Variants in ZNF148 observed in about 807,000 individuals in gnomAD.
The protein encoded by ZNF148 is Beta-Enolase Repressor Factor-1.
ZNF148 carries 7 observed loss-of-function variants against 67.7 expected under a neutral mutation model. The observed-to-expected ratio is 0.10, with a 90% CI of 0.06 to 0.19. The LOEUF is 0.19. Among genes scored for constraint, ZNF148 ranks in the 10% least tolerant of loss-of-function variants. The pLI is 1.00. For synonymous variants in ZNF148, 333 were observed against 330.7 expected (o/e 1.01, Z -0.08); for missense variants, 583 against 947.1 (o/e 0.62, Z 5.05).
chr3:125,257,558 T>TA (rs747363908), intron 7 of ZNF148, among the ~76,000 whole-genome samples: 54,270 of 92,130 alleles, frequency 0.59, 16,344 homozygotes, highest in Middle Eastern at 0.66. Context: ...CCGTCTCTAT[T>TA]AAAAAAAAAA....
intron 1 of ZNF148, among the ~76,000 whole-genome samples, chr3:125,348,322 T>C (rs979656432): frequency 6.7e-6 from 1 of 150,104 alleles, no homozygotes. Context: ...GCTTCAAAAG[T>C]GTCACAAGAA....
At chr3:125,242,163 T>G (rs551628775) in intron 7 of ZNF148, among the ~76,000 whole-genome samples, 2 of 152,216 alleles carry the variant, frequency 1.3e-5, no homozygotes, top group South Asian at 4.2e-4. Context: ...AGGGGTAGAG[T>G]TGTTTGCTAG....
Position 125,267,564 on chromosome 3 carries a change from C to G in ZNF148, c.667+10162G>C, listed in dbSNP as rs147822471. On this transcript the variant is annotated intron_variant, in intron 7 of 8. Coordinates refer to ENST00000360647, the MANE Select transcript of ZNF148 (RefSeq NM_021964.3). ...TAAAAACCCTCAAAAAACTAGGCAT[C>G]AAAGGAACATACCTCACAATAATAA... Among the ~76,000 whole-genome samples, 523 of 145,658 alleles carry G rather than the reference C, an allele frequency of 3.6e-3. 1 individual carries two copies. Among genetic ancestry groups the G allele is most frequent in the African/African-American group, 0.013 (512 of 39,616 alleles).
intron 7 of ZNF148, among the ~76,000 whole-genome samples, chr3:125,276,808 T>G (rs564418292): frequency 6.6e-6 from 1 of 152,134 alleles, no homozygotes; most frequent in Non-Finnish European, 1.5e-5. Flanking sequence ...GAAAAAAAAG[T>G]TATCAGACAG....
chr3:125,344,729 T>C, intron 1 of ZNF148: 1 of 562,796 alleles, frequency 1.8e-6, no homozygotes, highest in Non-Finnish European at 3.3e-6. Flanking sequence ...CCAGTTTCCA[T>C]TATGCTTTTT....
At chr3:125,234,027 A>ATCTT in intron 8 of ZNF148, 88 bp from the exon 9 acceptor site, 10 of 1,419,254 alleles carry the variant, frequency 7.0e-6, no homozygotes, top group Non-Finnish European at 8.5e-6. Flanking sequence ...TAATATAAAG[A>ATCTT]TATATTAATG....
rs1173558135 is a variant in ZNF148, at chr3:125,329,014, T to C, written c.-153+2144A>G. On this transcript the variant is annotated intron_variant, in intron 2 of 8. Transcript: ENST00000360647. Reference sequence around the variant, plus strand: ...TATACTACTGATATATATATATATATATATATCTGTACATGTATAGAAATT... The same window carrying C: ...TATACTACTGATATATATATATATACATATATCTGTACATGTATAGAAATT... Among the ~76,000 whole-genome samples the C allele has an allele frequency of 2.6e-5, 4 of 151,030 alleles. No homozygotes were observed. In the South Asian group the frequency reaches 6.2e-4, roughly 24 times the overall value.
At chr3:125,273,822 C>T (rs918218086) in intron 7 of ZNF148, among the ~76,000 whole-genome samples, 3 of 151,900 alleles carry the variant, frequency 2.0e-5, no homozygotes, top group Admixed American at 6.6e-5. Flanking sequence ...GAAATAGCTT[C>T]GTAACATTTT....
intron 7 of ZNF148, among the ~76,000 whole-genome samples, chr3:125,248,909 T>C (rs1936715238): frequency 6.6e-6 from 1 of 152,218 alleles, no homozygotes. Flanking sequence ...AAGAGGTCTA[T>C]TTCTTAAAGT....
chr3:125,232,300 T>C lies in ZNF148; in HGVS notation c.*41A>G, dbSNP rs764359249. 1.6e-5 allele frequency: 24 copies of C among 1,545,626 alleles called. No homozygotes were observed. The African/African-American group carries it at 3.2e-4, about 20-fold the overall frequency. On this transcript the variant is annotated 3_prime_UTR_variant, in exon 9 of 9. Transcript: ENST00000360647. The surrounding 1 kb of genome is among the most constrained non-coding windows in gnomAD (Gnocchi z 4.2). Reference sequence around the variant, plus strand: ...AGAGTAACCCCACTCTTGATTAATCTGTTCTAAAGTGCCAGTATTATTTAC... The same window carrying C: ...AGAGTAACCCCACTCTTGATTAATCCGTTCTAAAGTGCCAGTATTATTTAC...
chr3:125,355,697 C>G lies in ZNF148; in HGVS notation c.-234+19405G>C, dbSNP rs967500623. Reference sequence around the variant, plus strand: ...AGGCCAGGTGTTTGAGACCAGGCTGCTCAACACAGTGAGACCCCAGTCTCT... The same window carrying G: ...AGGCCAGGTGTTTGAGACCAGGCTGGTCAACACAGTGAGACCCCAGTCTCT... On this transcript the variant is annotated intron_variant, in intron 1 of 8. Transcript: ENST00000360647. 4.0e-5 allele frequency among the ~76,000 whole-genome samples: 6 copies of G among 149,356 alleles called. No individual in the cohort carries two copies. The Admixed American group carries it at 4.0e-4, about 10-fold the overall frequency.
chr3:125,249,519 C>T (rs1936744149), intron 7 of ZNF148, among the ~76,000 whole-genome samples: 1 of 151,948 alleles, frequency 6.6e-6, no homozygotes, highest in African/African-American at 2.4e-5. Flanking sequence ...CAAATGATAA[C>T]AAGTGTTGGT....
In ZNF148 at chr3:125,363,781, C is replaced by T. The variant is rs190914016; in HGVS notation, c.-234+11321G>A. Reference sequence around the variant, plus strand: ...TCTCCTGCCTCAGCCTCCCGTGCACCTGGAACTACAGGCATGTGCCACCAT... The same window carrying T: ...TCTCCTGCCTCAGCCTCCCGTGCACTTGGAACTACAGGCATGTGCCACCAT... On this transcript the variant is annotated intron_variant, in intron 1 of 8. Coordinates refer to ENST00000360647, the MANE Select transcript of ZNF148 (RefSeq NM_021964.3). Among the ~76,000 whole-genome samples the T allele has an allele frequency of 1.4e-4, 22 of 152,154 alleles. No individual in the cohort carries two copies. In the East Asian group the frequency reaches 4.3e-3, roughly 29 times the overall value.
chr3:125,358,591 G>A (rs575536344), intron 1 of ZNF148, among the ~76,000 whole-genome samples: 9 of 152,138 alleles, frequency 5.9e-5, no homozygotes, highest in South Asian at 2.1e-4. Context: ...TCCTAGGCTC[G>A]TCCCCAAAAC....
chr3:125,251,807 G>A (rs1023478310), intron 7 of ZNF148, among the ~76,000 whole-genome samples: 3 of 152,072 alleles, frequency 2.0e-5, no homozygotes, highest in African/African-American at 7.3e-5. Flanking sequence ...AATTATATAG[G>A]GTATATAGCT....
At position 125,260,653 on chromosome 3, in the gene ZNF148, G is replaced by C. The variant is rs1177746794; in HGVS notation, c.667+17073C>G. Among the ~76,000 whole-genome samples the C allele has an allele frequency of 3.3e-5, 5 of 152,304 alleles. No homozygotes were observed. In the East Asian group the frequency reaches 7.7e-4, roughly 23 times the overall value. On this transcript the variant is annotated intron_variant, in intron 7 of 8. Transcript: ENST00000360647. ...AAAAAGTGCAAGGGACCCTTGGGGAGTGACAGAACTAGTCTGTATCTTGAC... is the reference window on the plus strand; with the variant it reads ...AAAAAGTGCAAGGGACCCTTGGGGACTGACAGAACTAGTCTGTATCTTGAC...
intron 7 of ZNF148, among the ~76,000 whole-genome samples, chr3:125,264,566 T>C (rs752482432): frequency 2.6e-5 from 4 of 152,198 alleles, no homozygotes; most frequent in Non-Finnish European, 4.4e-5. Flanking sequence ...TAATTGACTA[T>C]TGATGTTGAT....
At chr3:125,291,769 T>C (rs937145015) in intron 4 of ZNF148, among the ~76,000 whole-genome samples, 2 of 152,092 alleles carry the variant, frequency 1.3e-5, no homozygotes, top group Admixed American at 6.6e-5. Context: ...CATACAGAGA[T>C]AAAATAACTG....
intron 1 of ZNF148, among the ~76,000 whole-genome samples, chr3:125,373,146 A>G (rs1942945188): frequency 6.6e-6 from 1 of 150,548 alleles, no homozygotes; most frequent in Non-Finnish European, 1.5e-5. Flanking sequence ...ACAGCATACT[A>G]TGTTTAAAAA....
Sources: gnomAD v4.1 joint callset for allele counts (sites outside exome capture counted in the v4.1 genomes callset) on GRCh38, gnomAD v4.1.1 for gene constraint, Gnocchi (gnomAD v3.1) non-coding constraint, MANE v1.5 for transcripts, NCBI Gene and HGNC (gene_info 2026-07-23, HGNC 2026-07-21) for gene names.